Variants in PARD3B observed in about 807,000 individuals in gnomAD.
PARD3B encodes the protein partitioning defective 3 homolog B.
A neutral mutation model predicts 130.2 loss-of-function variants in PARD3B; 103 were observed. That is an observed-to-expected ratio of 0.79 (90% CI 0.67 to 0.93). The LOEUF is 0.93. Ranked by LOEUF, PARD3B falls within the 40% of genes least tolerant of loss-of-function variation. PARD3B has a pLI of 0.00. For synonymous variants in PARD3B, 583 were observed against 553.2 expected, an observed-to-expected ratio of 1.05 and a Z score of -0.76; for missense variants, 1,609 against 1,499.2, an observed-to-expected ratio of 1.07 and a Z score of -1.21.
chr2:204,818,192 A>C (rs1191900013), intron 2 of PARD3B, among the ~76,000 whole-genome samples: 2 of 152,190 alleles, frequency 1.3e-5, no homozygotes, highest in Non-Finnish European at 2.9e-5. Context: ...TGAATCCAAA[A>C]AGTAGAATTA....
chr2:205,361,968 G>C (rs1001511709), intron 18 of PARD3B, among the ~76,000 whole-genome samples: 8 of 151,010 alleles, frequency 5.3e-5, no homozygotes, highest in Non-Finnish European at 1.0e-4. Context: ...TCTCAGAGTT[G>C]GAAAGACAAA....
At chr2:205,212,755 C>T (rs867199420) in intron 15 of PARD3B, among the ~76,000 whole-genome samples, 4 of 152,060 alleles carry the variant, frequency 2.6e-5, no homozygotes, top group African/African-American at 9.7e-5. Context: ...TAAAGATAAC[C>T]TCTGATGTTA....
chr2:205,571,437 A>G (rs978652008), intron 22 of PARD3B, among the ~76,000 whole-genome samples: 5 of 152,236 alleles, frequency 3.3e-5, no homozygotes, highest in African/African-American at 1.2e-4. Flanking sequence ...TAAGAAGTCA[A>G]GAAGGCCGGG....
intron 21 of PARD3B, among the ~76,000 whole-genome samples, chr2:205,511,707 A>G (rs2050594341): frequency 6.6e-6 from 1 of 152,216 alleles, no homozygotes; most frequent in Non-Finnish European, 1.5e-5. Flanking sequence ...GTACTAAATT[A>G]AAAAGTGAAG....
At chr2:204,626,970 A>G (rs1024871027) in intron 1 of PARD3B, among the ~76,000 whole-genome samples, 1 of 152,214 alleles carries the variant, frequency 6.6e-6, no homozygotes, top group Middle Eastern at 3.4e-3. Flanking sequence ...CCACCTGTCA[A>G]GGGAGGGAGG....
At chr2:205,041,574 C>T (rs1393643842) in intron 3 of PARD3B, among the ~76,000 whole-genome samples, 1 of 152,010 alleles carries the variant, frequency 6.6e-6, no homozygotes, top group African/African-American at 2.4e-5. Context: ...GCGTGAGGTC[C>T]TCTAGTTCTT....
In PARD3B at chr2:205,519,240, A is replaced by G. The variant is rs1025901218; in HGVS notation, c.3180+19209A>G. Among the ~76,000 whole-genome samples the G allele has an allele frequency of 3.7e-4, 56 of 152,164 alleles. 1 individual carries two copies. Among genetic ancestry groups the G allele is most frequent in the African/African-American group, 1.3e-3 (53 of 41,456 alleles). Reference sequence around the variant, plus strand: ...GGGATAACTGATTTGGTCTCTTTTCATAATCCCATACTTTCCAGAGGTTTT... The same window carrying G: ...GGGATAACTGATTTGGTCTCTTTTCGTAATCCCATACTTTCCAGAGGTTTT... On this transcript the variant is annotated intron_variant, in intron 21 of 22. Transcript: ENST00000406610.
intron 2 of PARD3B, among the ~76,000 whole-genome samples, chr2:204,691,608 A>G (rs1574717766): frequency 6.6e-6 from 1 of 152,206 alleles, no homozygotes; most frequent in East Asian, 1.9e-4. Flanking sequence ...GGTGTAGGAA[A>G]ACTAGGTAGG....
At chr2:205,075,553 G>C (rs1347099563) in intron 4 of PARD3B, among the ~76,000 whole-genome samples, 6 of 151,360 alleles carry the variant, frequency 4.0e-5, no homozygotes, top group African/African-American at 1.2e-4. Flanking sequence ...TTGTCTTCAA[G>C]AAGACAAGAA....
chr2:204,863,526 A>G (rs2045296141), intron 2 of PARD3B, among the ~76,000 whole-genome samples: 1 of 152,224 alleles, frequency 6.6e-6, no homozygotes, highest in Non-Finnish European at 1.5e-5. Flanking sequence ...TTGGTATTTT[A>G]ATATAAATAC....
intron 22 of PARD3B, among the ~76,000 whole-genome samples, chr2:205,588,837 C>G (rs115593798): frequency 6.6e-6 from 1 of 152,214 alleles, no homozygotes; most frequent in African/African-American, 2.4e-5. Context: ...TTGCTATGGC[C>G]CTTGCTGTTC....
chr2:205,272,819 G>A (rs2040783958), intron 16 of PARD3B, among the ~76,000 whole-genome samples: 1 of 152,108 alleles, frequency 6.6e-6, no homozygotes, highest in African/African-American at 2.4e-5. Context: ...CTTCATCCGT[G>A]TCTTATTATT....
chr2:205,057,321 TATA>T (rs1294026878), intron 4 of PARD3B, among the ~76,000 whole-genome samples: 2 of 97,576 alleles, frequency 2.0e-5, no homozygotes, highest in Admixed American at 1.9e-4. Flanking sequence ...ATATGTATGT[TATA>T]TATGTATATG....
At chr2:205,384,152 T>A (rs2045579484) in intron 18 of PARD3B, among the ~76,000 whole-genome samples, 1 of 152,090 alleles carries the variant, frequency 6.6e-6, no homozygotes, top group Non-Finnish European at 1.5e-5. Context: ...TTTTGGTAAG[T>A]TTGACAGAGA....
intron 2 of PARD3B, among the ~76,000 whole-genome samples, chr2:204,822,839 A>G (rs1386628427): frequency 6.6e-6 from 1 of 152,226 alleles, no homozygotes; most frequent in Non-Finnish European, 1.5e-5. Context: ...CTTATTTGAA[A>G]TAATTTTTTG....
intron 16 of PARD3B, among the ~76,000 whole-genome samples, chr2:205,255,365 C>A (rs1423636516): frequency 1.3e-5 from 2 of 152,138 alleles, no homozygotes; most frequent in South Asian, 2.1e-4. Flanking sequence ...CTAAGCACAG[C>A]ACAGAATGCT....
In PARD3B at chr2:205,097,091, T is replaced by G. The variant is rs573721921; in HGVS notation, c.505-7335T>G. Among the ~76,000 whole-genome samples the G allele has an allele frequency of 3.3e-5, 5 of 152,298 alleles. No homozygotes were observed. In the South Asian group the frequency reaches 1.0e-3, roughly 32 times the overall value. ...TTCTTCGACAAGATAGTCATCTTTT[T>G]GTCTTGCATATGTTCAGGTATGAAA... On this transcript the variant is annotated intron_variant, in intron 4 of 22. Transcript: ENST00000406610.
At chr2:204,676,345 T>C (rs17595168) in intron 1 of PARD3B, among the ~76,000 whole-genome samples, 6,802 of 152,110 alleles carry the variant, frequency 0.045, 422 homozygotes, top group East Asian at 0.14. Flanking sequence ...AACGGGTAGA[T>C]TGGGGAATTC....
chr2:204,821,607 T>C (rs1055363964), intron 2 of PARD3B, among the ~76,000 whole-genome samples: 2 of 150,840 alleles, frequency 1.3e-5, no homozygotes, highest in African/African-American at 4.9e-5. Flanking sequence ...GACAAGTTAA[T>C]GGGAGCAGCA....
Sources: allele counts gnomAD v4.1 joint callset (sites outside exome capture counted in the v4.1 genomes callset), GRCh38; gene constraint gnomAD v4.1.1; transcripts MANE v1.5; gene names NCBI Gene and HGNC (gene_info 2026-07-23, HGNC 2026-07-21).